TET2: variants seen among roughly 807,000 people sequenced by gnomAD.
TET2 encodes the protein tet methylcytosine dioxygenase 2.
In TET2, 299 loss-of-function variants were observed where a neutral mutation model predicts 142.9. The observed-to-expected ratio is 2.09, with a 90% CI of 1.90 to 2.30. The LOEUF (loss-of-function observed/expected upper bound fraction) is 2.30. Among genes scored for constraint, TET2 ranks in the 30% most tolerant of loss-of-function variants. TET2 has a pLI of 0.00. For synonymous variants in TET2, 819 were observed against 849.0 expected, an observed-to-expected ratio of 0.96 and a Z score of 0.61; for missense variants, 2,418 against 2,378.0, an observed-to-expected ratio of 1.02 and a Z score of -0.35.
chr4:105,260,150 T>TTAAAGTCACTGTAATGAATGCATTTAA (rs571384040), intron 7 of TET2, among the ~76,000 whole-genome samples: 1,813 of 151,814 alleles, frequency 0.012, 31 homozygotes, highest in Middle Eastern at 0.035. Context: ...TTCAAATAAT[T>TTAAAGTCACTGTAATGAATGCATTTAA]TAAAGTCACT....
At chr4:105,193,191 G>A (rs1264406112) in intron 2 of TET2, among the ~76,000 whole-genome samples, 1 of 152,084 alleles carries the variant, frequency 6.6e-6, no homozygotes, top group East Asian at 1.9e-4. Context: ...AATTGGGATC[G>A]ATAACAAAGA....
Position 105,161,932 on chromosome 4 carries a change from GGTGT to G in TET2, c.-193+14956_-193+14959del, listed in dbSNP as rs74853372. Among the ~76,000 whole-genome samples the G allele has an allele frequency of 1.1e-4, 16 of 152,220 alleles. No homozygotes were observed. In the South Asian group the frequency reaches 1.4e-3, roughly 14 times the overall value. On this transcript the variant is annotated intron_variant, in intron 1 of 10. Transcript: ENST00000380013. ...CAGTTACTACTAAGTGTGTGTATGTGGTGTGTATGTGTTTTGAACTTTTCATATT... is the reference window on the plus strand; with the variant it reads ...CAGTTACTACTAAGTGTGTGTATGTGGTATGTGTTTTGAACTTTTCATATT...
Position 105,200,031 on chromosome 4 carries a change from T to C in TET2, c.-47+9526T>C, listed in dbSNP as rs144979225. On this transcript the variant is annotated intron_variant, in intron 2 of 10. Transcript: ENST00000380013. ...GTGTGCATGTGTCTTTATAATAGAA[T>C]AATTTTTTTTTCCTTTGGTATATAC... Among the ~76,000 whole-genome samples the C allele has an allele frequency of 5.1e-3, 772 of 152,268 alleles. 6 individuals are homozygous for C. Among genetic ancestry groups the C allele is most frequent in the African/African-American group, 0.018 (734 of 41,542 alleles).
chr4:105,170,541 T>C (rs1724405804), intron 1 of TET2, among the ~76,000 whole-genome samples: 1 of 152,212 alleles, frequency 6.6e-6, no homozygotes, highest in Non-Finnish European at 1.5e-5. Flanking sequence ...ACTGCTTTTC[T>C]CTTTAAGGCT....
Position 105,279,183 on chromosome 4 carries a change from T to C in TET2, c.*2664T>C, listed in dbSNP as rs1032486418. On this transcript the variant is annotated 3_prime_UTR_variant, in exon 11 of 11. Coordinates refer to ENST00000380013, the MANE Select transcript of TET2 (RefSeq NM_001127208.3). ...TATCTAGCCCCAAACATTTGATTAC[T>C]ACATGTGCATTGGTGATTTTGATCA... 8.6e-6 allele frequency: 2 copies of C among 232,398 alleles called. No individual in the cohort carries two copies. The highest frequency in any genetic ancestry group is 4.4e-5 in the African/African-American group (2 of 45,332). The allele number at this position is 232,398 out of a possible 1,614,324, so 14.4% of individuals were successfully genotyped here. A position where few individuals can be genotyped will look rare whatever the true frequency, so the allele number is the denominator to read the frequency against.
chr4:105,240,128 T>C, intron 3 of TET2: 1 of 232,056 alleles, frequency 4.3e-6, no homozygotes, highest in Non-Finnish European at 9.2e-6. Context: ...ATAACATAAA[T>C]AATAATAAAC....
chr4:105,225,089 G>T (rs964209159), intron 2 of TET2, among the ~76,000 whole-genome samples: 17 of 151,662 alleles, frequency 1.1e-4, no homozygotes, highest in African/African-American at 3.9e-4. Context: ...TATAACTTTA[G>T]CATTATGTTT....
rs1237638072 is a variant in TET2, at chr4:105,244,584, A to ATCTT, written c.3803+807_3803+808insCTTT. Among the ~76,000 whole-genome samples, 111 of 116,756 alleles carry ATCTT rather than the reference A, an allele frequency of 9.5e-4. 21 individuals carry two copies. The highest frequency in any genetic ancestry group is 3.7e-3 in the African/African-American group (104 of 28,460). 76.6% of individuals were successfully genotyped at this position (116,756 alleles called of 152,430 possible). Reference sequence around the variant, plus strand: ...TGAATGTTCACGGTGCTACACAGAAATGTTTTTTTTTTTTTTTTTTTTTTT... The same window carrying ATCTT: ...TGAATGTTCACGGTGCTACACAGAAATCTTTGTTTTTTTTTTTTTTTTTTTTTTT... On this transcript the variant is annotated intron_variant, in intron 6 of 10. Coordinates refer to ENST00000380013, the MANE Select transcript of TET2 (RefSeq NM_001127208.3).
At chr4:105,245,176 C>G (rs779030437) in intron 6 of TET2, among the ~76,000 whole-genome samples, 7 of 152,162 alleles carry the variant, frequency 4.6e-5, no homozygotes, top group Non-Finnish European at 4.4e-5. Context: ...GTTACTCTTT[C>G]TATATGAAAG....
At chr4:105,271,203 G>A (rs1017199597) in intron 9 of TET2, among the ~76,000 whole-genome samples, 8 of 152,278 alleles carry the variant, frequency 5.3e-5, no homozygotes, top group Non-Finnish European at 8.8e-5. Flanking sequence ...CACATTAGCC[G>A]TAGGTTCTGG....
chr4:105,192,853 AT>A (rs1725865528), intron 2 of TET2, among the ~76,000 whole-genome samples: 2 of 152,182 alleles, frequency 1.3e-5, no homozygotes, highest in African/African-American at 4.8e-5. Context: ...AATTGAAGAT[AT>A]AGTAGTCAAG....
chr4:105,236,913 G>T lies in TET2; in HGVS notation c.2971G>T (p.Ala991Ser). Residue 991 changes from alanine (A) to serine (S), a missense_variant, in exon 3 of 11, where the codon GCC becomes TCC. By Grantham distance (99) the Ala-to-Ser change is moderately conservative. Transcript: ENST00000380013. ...IKVEPGCKPH[A>S]CMHTAPPENK... ...GGTGGAACCTGGATGCAAGCCACATGCCTGTATGCACACAGCACCACCAGA... is the reference window on the plus strand; with the variant it reads ...GGTGGAACCTGGATGCAAGCCACATTCCTGTATGCACACAGCACCACCAGA... 2 of 1,614,100 alleles carry T rather than the reference G, an allele frequency of 1.2e-6. No homozygotes were observed. Among genetic ancestry groups the T allele is most frequent in the South Asian group, 2.2e-5 (2 of 91,080 alleles).
chr4:105,238,462 G>C, intron 3 of TET2: 1 of 249,422 alleles, frequency 4.0e-6, no homozygotes, highest in Non-Finnish European at 8.3e-6. Context: ...CTGTGCTGCT[G>C]CTTTATCAAC....
At chr4:105,240,542 G>A (rs1729236038) in intron 3 of TET2, 3 of 1,079,138 alleles carry the variant, frequency 2.8e-6, no homozygotes, top group Non-Finnish European at 3.4e-6. Flanking sequence ...CTTGCAATGA[G>A]ATACCCCACA....
At chr4:105,242,804 T>C (rs1173688302) in intron 4 of TET2, 30 bp from the exon 5 acceptor site, 8 of 1,540,294 alleles carry the variant, frequency 5.2e-6, no homozygotes, top group Admixed American at 2.1e-5. Context: ...GCTAATTGTA[T>C]GTGTGTGTGT....
chr4:105,260,827 A>G (rs1040695398), intron 7 of TET2, among the ~76,000 whole-genome samples: 2 of 152,198 alleles, frequency 1.3e-5, no homozygotes, highest in African/African-American at 4.8e-5. Context: ...AAGAATATGA[A>G]TATTAATAAC....
intron 2 of TET2, among the ~76,000 whole-genome samples, chr4:105,211,347 T>A (rs1271359428): frequency 6.6e-6 from 1 of 152,220 alleles, no homozygotes; most frequent in African/African-American, 2.4e-5. Flanking sequence ...CTTGTTTGTC[T>A]AGATAAACTT....
intron 1 of TET2, chr4:105,177,949 G>A (rs934847928): frequency 1.2e-4 from 19 of 152,228 alleles, no homozygotes; most frequent in African/African-American, 4.3e-4. Flanking sequence ...GTAGCTGGGT[G>A]TGGCAGTGTG....
intron 2 of TET2, among the ~76,000 whole-genome samples, chr4:105,233,383 CA>C (rs34890297): frequency 0.22 from 16,986 of 75,662 alleles, 1,329 homozygotes; most frequent in Middle Eastern, 0.35. Flanking sequence ...GACTCCATCT[CA>C]AAAAAAAAAA....
Sources: allele counts gnomAD v4.1 joint callset (sites outside exome capture counted in the v4.1 genomes callset), GRCh38; gene constraint gnomAD v4.1.1; transcripts MANE v1.5; gene names NCBI Gene and HGNC (gene_info 2026-07-23, HGNC 2026-07-21).